ANKRD28: variants seen among roughly 807,000 people sequenced by gnomAD.
ANKRD28 encodes ankyrin repeat domain 28, also known as serine/threonine-protein phosphatase 6 regulatory ankyrin repeat subunit A.
A neutral mutation model predicts 126.5 loss-of-function variants in ANKRD28; 44 were observed. The observed-to-expected ratio is 0.35, with a 90% CI of 0.27 to 0.45. The LOEUF (loss-of-function observed/expected upper bound fraction) is 0.45, where lower values mean the gene tolerates loss of function less well. Ranked by LOEUF, ANKRD28 falls within the 20% of genes least tolerant of loss-of-function variation. The pLI is 1.00. For synonymous variants in ANKRD28, 442 were observed against 468.5 expected, an observed-to-expected ratio of 0.94 and a Z score of 0.73; for missense variants, 1,110 against 1,316.6, an observed-to-expected ratio of 0.84 and a Z score of 2.43.
chr3:15,741,561 C>T (rs2075474577), intron 4 of ANKRD28, among the ~76,000 whole-genome samples: 1 of 151,858 alleles, frequency 6.6e-6, no homozygotes, highest in African/African-American at 2.4e-5. Flanking sequence ...CATTCCATGA[C>T]ATTAATTCAA....
intron 2 of ANKRD28, among the ~76,000 whole-genome samples, chr3:15,780,873 G>A (rs968468502): frequency 5.3e-5 from 8 of 152,122 alleles, no homozygotes; most frequent in Admixed American, 2.0e-4. Context: ...TCCAGATGCA[G>A]AAGAATGAAA....
chr3:15,717,911 A>C (rs1012705976), intron 8 of ANKRD28, among the ~76,000 whole-genome samples: 1 of 152,192 alleles, frequency 6.6e-6, no homozygotes, highest in Non-Finnish European at 1.5e-5. Flanking sequence ...CTAGTCATCT[A>C]TAACTTGATC....
At chr3:15,677,824 A>G (rs1025692850) in intron 24 of ANKRD28, among the ~76,000 whole-genome samples, 22 of 152,180 alleles carry the variant, frequency 1.4e-4, no homozygotes, top group Admixed American at 1.3e-3. Flanking sequence ...ATACTGTTTT[A>G]TATGCTCTGG....
intron 3 of ANKRD28, among the ~76,000 whole-genome samples, chr3:15,763,784 A>G (rs1415345489): frequency 1.3e-5 from 2 of 152,182 alleles, no homozygotes; most frequent in Admixed American, 1.3e-4. Context: ...TGGGGTGGGG[A>G]GATAATGTAC....
chr3:15,749,095 G>GT (rs1357402514), intron 4 of ANKRD28, among the ~76,000 whole-genome samples: 1,917 of 106,924 alleles, frequency 0.018, 316 homozygotes, highest in African/African-American at 0.048. Flanking sequence ...TCTATATTAT[G>GT]TTTTTGTTTT....
chr3:15,830,940 G>C lies in ANKRD28; in HGVS notation c.27+28437C>G, dbSNP rs558749219. Among the ~76,000 whole-genome samples the C allele has an allele frequency of 6.6e-6, 1 of 152,172 alleles. No homozygotes were observed. Among genetic ancestry groups the C allele is most frequent in the South Asian group, 2.1e-4 (1 of 4,802 alleles). ...AAACTCTGGACAGCAAACCTCACGTGGGTGGCCTTGGTTGGCAATACTCCT... is the reference window on the plus strand; with the variant it reads ...AAACTCTGGACAGCAAACCTCACGTCGGTGGCCTTGGTTGGCAATACTCCT... On this transcript the variant is annotated intron_variant, in intron 1 of 27. Coordinates refer to the ANKRD28 transcript ENST00000399451. The surrounding 1 kb of genome is among the most constrained non-coding windows in gnomAD (Gnocchi z 4.5).
At chr3:15,714,749 TA>T in intron 8 of ANKRD28, 93 bp from the exon 9 acceptor site, 2 of 812,928 alleles carry the variant, frequency 2.5e-6, no homozygotes, top group Non-Finnish European at 1.8e-6. Context: ...TCTTTATTTT[TA>T]TAACTATTTT....
At chr3:15,705,236 A>AC (rs2125997211) in intron 14 of ANKRD28, among the ~76,000 whole-genome samples, 1 of 152,308 alleles carries the variant, frequency 6.6e-6, no homozygotes, top group African/African-American at 2.4e-5. Flanking sequence ...TTTTAGTACT[A>AC]GTACCCTTCT....
intron 4 of ANKRD28, among the ~76,000 whole-genome samples, chr3:15,748,682 T>G (rs895861164): frequency 3.3e-5 from 5 of 152,188 alleles, no homozygotes; most frequent in Non-Finnish European, 5.9e-5. Context: ...GTGATAATCT[T>G]TCTGTGATGA....
upstream of ANKRD28, among the ~76,000 whole-genome samples, chr3:15,798,906 CAT>C (rs973568116): frequency 5.9e-4 from 89 of 152,130 alleles, no homozygotes; most frequent in African/African-American, 2.0e-3. Flanking sequence ...CAATAATAAA[CAT>C]AATAGTTACT....
intron 27 of ANKRD28, among the ~76,000 whole-genome samples, chr3:15,673,527 A>T (rs1419161202): frequency 6.6e-6 from 1 of 152,248 alleles, no homozygotes; most frequent in Non-Finnish European, 1.5e-5. Flanking sequence ...ATAACAAAAA[A>T]GTACATTATA....
In ANKRD28 at chr3:15,812,150, C is replaced by CA. The variant is rs767248857; in HGVS notation, c.28-16845dup. On this transcript the variant is annotated intron_variant, in intron 1 of 27. Coordinates refer to the ANKRD28 transcript ENST00000399451. This position sits in a 1 kb window ranked among gnomAD's most constrained non-coding sequence, Gnocchi z 4.1. ...CCTGGGCAACAGAGTGAGACTCTGG[C>CA]AAACAAAACAAAACAAAACAAAACG... 3.5e-3 allele frequency among the ~76,000 whole-genome samples: 477 copies of CA among 134,666 alleles called. 1 individual carries two copies. The highest frequency in any genetic ancestry group is 0.014 in the Middle Eastern group (4 of 280). The allele number at this position is 134,666 out of a possible 152,430, so 88.3% of individuals were successfully genotyped here. A position where few individuals can be genotyped will look rare whatever the true frequency, so the allele number is the denominator to read the frequency against.
In ANKRD28 at chr3:15,673,605, T is replaced by A. The variant is rs544635259; in HGVS notation, c.2965+2293A>T. On this transcript the variant is annotated intron_variant, in intron 27 of 27. Coordinates refer to ENST00000683139, the MANE Select transcript of ANKRD28 (RefSeq NM_001349278.2). ...GGAGCAGGTTAACAAGGACTGAGAA[T>A]GCTATGGTAGGGGTATCTAGCAAGT... is the stretch of plus-strand genomic sequence containing the variant. Among the ~76,000 whole-genome samples, 5 of 152,250 alleles carry A rather than the reference T, an allele frequency of 3.3e-5. No individual in the cohort carries two copies. The East Asian group carries it at 7.7e-4, about 24-fold the overall frequency.
In ANKRD28 at chr3:15,817,784, C is replaced by A. The variant is rs1311065790; in HGVS notation, c.28-22478G>T. 6.6e-6 allele frequency among the ~76,000 whole-genome samples: 1 copy of A among 151,856 alleles called. No homozygotes were observed. Among genetic ancestry groups the A allele is most frequent in the Non-Finnish European group, 1.5e-5 (1 of 67,972 alleles). On this transcript the variant is annotated intron_variant, in intron 1 of 27. Coordinates refer to the ANKRD28 transcript ENST00000399451. This position sits in a 1 kb window ranked among gnomAD's most constrained non-coding sequence, Gnocchi z 4.5. Reference sequence around the variant, plus strand: ...TATCATATTGAAAGAAAGAGCACTGCCATAAGGGTAGAAGGAATAAGGGAT... The same window carrying A: ...TATCATATTGAAAGAAAGAGCACTGACATAAGGGTAGAAGGAATAAGGGAT...
intron 1 of ANKRD28, among the ~76,000 whole-genome samples, chr3:15,804,365 TA>T (rs577619131): frequency 6.9e-6 from 1 of 145,342 alleles, no homozygotes; most frequent in South Asian, 2.3e-4. Flanking sequence ...GTCCATTCTC[TA>T]AAAAAATGGA....
rs574561330 is a variant in ANKRD28 at position 15,762,517 on chromosome 3, G to A, written c.280+3717C>T. 2.5e-4 allele frequency among the ~76,000 whole-genome samples: 38 copies of A among 152,196 alleles called. No homozygotes were observed. In the South Asian group the frequency reaches 5.4e-3, roughly 22 times the overall value. ...TAAATACACTTCTCCAGAGTATATA[G>A]AGTCTATTTTTTTTCAACCTTTGTC... is the stretch of plus-strand genomic sequence containing the variant. On this transcript the variant is annotated intron_variant, in intron 3 of 27. Transcript: ENST00000683139.
rs1228194194 is a variant in ANKRD28, at chr3:15,677,483, G to A, written c.2787C>T (p.Ser929=). ...TATTCTTAAGATGTATACATACCTT[G>A]CTACAAGCCAAATGGAGGGCAGTAT... ...SKNTALHLAC[S]KGHETSALLI... The change falls in exon 25 of 28, where the codon AGC becomes AGT. Residue 929 remains serine, a synonymous_variant. Coordinates refer to ENST00000683139, the MANE Select transcript of ANKRD28 (RefSeq NM_001349278.2). The A allele has an allele frequency of 6.2e-7, 1 of 1,608,440 alleles. No homozygotes were observed. Among genetic ancestry groups the A allele is most frequent in the African/African-American group, 1.3e-5 (1 of 74,764 alleles).
intron 21 of ANKRD28, among the ~76,000 whole-genome samples, chr3:15,683,447 A>G (rs1413068442): frequency 3.9e-5 from 6 of 152,188 alleles, no homozygotes; most frequent in Admixed American, 3.9e-4. Context: ...TACTTGCCTT[A>G]GCGAGTAGAA....
chr3:15,724,239 T>C, intron 7 of ANKRD28, 143 bp downstream of exon 7: 2 of 684,650 alleles, frequency 2.9e-6, no homozygotes, highest in Non-Finnish European at 4.6e-6. Context: ...GCACTAGATA[T>C]TATGTAAAGG....
Sources: gnomAD v4.1 joint callset for allele counts (sites outside exome capture counted in the v4.1 genomes callset) on GRCh38, gnomAD v4.1.1 for gene constraint, Gnocchi (gnomAD v3.1) non-coding constraint, MANE v1.5 for transcripts, NCBI Gene and HGNC (gene_info 2026-07-23, HGNC 2026-07-21) for gene names.